The following DENND1A variants were observed in gnomAD, a reference collection of about 807,000 sequenced individuals.
The protein encoded by DENND1A is DENN domain containing 1A.
A neutral mutation model predicts 113.7 loss-of-function variants in DENND1A; 51 were observed. That is an observed-to-expected ratio of 0.45 (90% CI 0.36 to 0.57). The LOEUF (loss-of-function observed/expected upper bound fraction) is 0.57. Ranked by LOEUF, DENND1A falls within the 20% of genes least tolerant of loss-of-function variation. DENND1A has a pLI of 0.00. For synonymous variants in DENND1A, 565 were observed against 570.8 expected (o/e 0.99, Z 0.14); for missense variants, 1,258 against 1,395.9 (o/e 0.90, Z 1.57).
chr9:123,457,800 A>T lies in DENND1A; in HGVS notation c.1091T>A (p.Phe364Tyr). 1 of 1,609,310 alleles carries T rather than the reference A, an allele frequency of 6.2e-7. No homozygotes were observed. The highest frequency in any genetic ancestry group is 8.5e-7 in the Non-Finnish European group (1 of 1,177,858). Residue 364 changes from phenylalanine to tyrosine, a missense_variant, in exon 14 of 24, where the codon TTC (phenylalanine) becomes TAC (tyrosine). Physicochemically the swap from Phe to Tyr is conservative, Grantham distance 22 (BLOSUM62 3). This residue lies in a region of DENND1A where 1,159 missense variants were observed against 1,231.7 expected (regional missense o/e 0.94). Coordinates refer to ENST00000394215, the MANE Select transcript of DENND1A (RefSeq NM_001352964.2). ...FLQNATQLQLFKQFIDGRLDL... is the reference protein window; with the variant it reads ...FLQNATQLQLYKQFIDGRLDL... ...GACCAGGGAGGGAGGCACCTGCTTG[A>T]AGAGCTGCAGCTGTGTGGCGTTCTG...
Position 123,381,986 on chromosome 9 carries a change from A to G in DENND1A, c.2659T>C (p.Phe887Leu), listed in dbSNP as rs1199037267. 2.4e-6 allele frequency: 3 copies of G among 1,269,104 alleles called. No homozygotes were observed. The highest frequency in any genetic ancestry group is 3.2e-5 in the South Asian group (2 of 61,712). 78.6% of individuals were successfully genotyped at this position (1,269,104 alleles called of 1,614,324 possible). The change falls in exon 24 of 24, where the codon TTC (phenylalanine) becomes CTC (leucine). Residue 887 changes from phenylalanine to leucine, a missense_variant. Phe to Leu is a conservative substitution (Grantham distance 22). This residue lies in a region of DENND1A where 1,159 missense variants were observed against 1,231.7 expected (regional missense o/e 0.94). Transcript: ENST00000394215. This position sits in a 1 kb window ranked among gnomAD's most constrained non-coding sequence, Gnocchi z 4.7. ...AAGGGGTTGAGTGGTGGCTGTGGGAATGGGGTGGGTGTCCCTGCAGGGGGG... is the reference window on the plus strand; with the variant it reads ...AAGGGGTTGAGTGGTGGCTGTGGGAGTGGGGTGGGTGTCCCTGCAGGGGGG... ...SFPPAGTPTPFPQPPLNPFVP... is the reference protein window; with the variant it reads ...SFPPAGTPTPLPQPPLNPFVP...
intron 18 of DENND1A, among the ~76,000 whole-genome samples, chr9:123,441,403 TA>T (rs1167732352): frequency 1.3e-5 from 2 of 152,220 alleles, no homozygotes; most frequent in Non-Finnish European, 2.9e-5. Context: ...TGGCAGAAAA[TA>T]AAAAGATTGA....
At position 123,381,377 on chromosome 9, in the gene DENND1A, G is replaced by A. The variant is rs955211391; in HGVS notation, c.*55C>T. ...AGAGTGGCGGGGGAGCCTCGGAACC[G>A]CAGCAGTGGACGGACCCTCGGGCCT... On this transcript the variant is annotated 3_prime_UTR_variant, in exon 24 of 24. Coordinates refer to ENST00000394215, the MANE Select transcript of DENND1A (RefSeq NM_001352964.2). This position sits in a 1 kb window ranked among gnomAD's most constrained non-coding sequence, Gnocchi z 4.7. 6.6e-6 allele frequency: 10 copies of A among 1,512,430 alleles called. No individual in the cohort carries two copies. The highest frequency in any genetic ancestry group is 3.6e-5 in the Admixed American group (2 of 55,696). The allele number at this position is 1,512,430 out of a possible 1,614,324, so 93.7% of individuals were successfully genotyped here. A position where few individuals can be genotyped will look rare whatever the true frequency, so the allele number is the denominator to read the frequency against.
chr9:123,903,360 T>TAAAAAAAAAA (rs1852079085), intron 1 of DENND1A, among the ~76,000 whole-genome samples: 1 of 90,110 alleles, frequency 1.1e-5, no homozygotes, highest in African/African-American at 5.5e-5. Flanking sequence ...AAAAAAAAAC[T>TAAAAAAAAAA]GGAAAAAAAG....
At chr9:123,858,583 A>C (rs569050947) in intron 2 of DENND1A, among the ~76,000 whole-genome samples, 1 of 152,078 alleles carries the variant, frequency 6.6e-6, no homozygotes, top group Non-Finnish European at 1.5e-5. Flanking sequence ...GGTGACTGGC[A>C]GTGGGGGTAA....
chr9:123,787,905 A>G (rs931156602), intron 3 of DENND1A, among the ~76,000 whole-genome samples: 2 of 152,168 alleles, frequency 1.3e-5, no homozygotes, highest in Non-Finnish European at 1.5e-5. Context: ...ATAAACGCAT[A>G]AAGATTGTTG....
rs147683169 is a variant in DENND1A, at chr9:123,917,466, G to C, written c.17+12423C>G. 2.4e-3 allele frequency among the ~76,000 whole-genome samples: 368 copies of C among 152,224 alleles called. 2 individuals are homozygous for C. The highest frequency in any genetic ancestry group is 3.7e-3 in the Admixed American group (57 of 15,290). ...TGGTGTTGGTGTTGTTGGAAATCAAGACTTTGATATAGGTATGGAAAATTC... is the reference window on the plus strand; with the variant it reads ...TGGTGTTGGTGTTGTTGGAAATCAACACTTTGATATAGGTATGGAAAATTC... On this transcript the variant is annotated intron_variant, in intron 1 of 23. Coordinates refer to ENST00000394215, the MANE Select transcript of DENND1A (RefSeq NM_001352964.2).
chr9:123,742,200 G>C (rs1389751183), intron 5 of DENND1A, among the ~76,000 whole-genome samples: 1 of 151,732 alleles, frequency 6.6e-6, no homozygotes, highest in Non-Finnish European at 1.5e-5. Flanking sequence ...AAGAAGGCCT[G>C]CTGGTTAAGG....
intron 21 of DENND1A, among the ~76,000 whole-genome samples, chr9:123,391,949 G>A (rs1274331663): frequency 1.3e-5 from 2 of 152,070 alleles, no homozygotes; most frequent in East Asian, 3.9e-4. Context: ...AAGGCTGGCC[G>A]TCCGTCATGG....
intron 2 of DENND1A, among the ~76,000 whole-genome samples, chr9:123,854,233 T>C (rs574471366): frequency 6.6e-6 from 1 of 152,218 alleles, no homozygotes; most frequent in Admixed American, 6.5e-5. Flanking sequence ...GCAACATTCA[T>C]CCTAGCCCTC....
intron 9 of DENND1A, among the ~76,000 whole-genome samples, chr9:123,642,149 T>C (rs2062064401): frequency 6.6e-6 from 1 of 152,228 alleles, no homozygotes; most frequent in Non-Finnish European, 1.5e-5. Context: ...GGTTCTTCAT[T>C]CCAATTAGAG....
rs549627930 is a variant in DENND1A, at chr9:123,394,748, G to A, written c.1632-6890C>T. On this transcript the variant is annotated intron_variant, in intron 21 of 23. Transcript: ENST00000394215. The stretch of plus-strand genomic sequence containing the variant: ...ACAGGATGTGGGCTTCAGGCTCTGC[G>A]GTGGAGGGAAGATGGGGCTGGGAAT... Among the ~76,000 whole-genome samples the A allele has an allele frequency of 5.9e-5, 9 of 152,352 alleles. No homozygotes were observed. In the East Asian group the frequency reaches 7.7e-4, roughly 13 times the overall value.
intron 5 of DENND1A, among the ~76,000 whole-genome samples, chr9:123,746,747 T>A (rs1051000839): frequency 1.7e-4 from 26 of 152,214 alleles, no homozygotes; most frequent in Middle Eastern, 3.4e-3. Context: ...AGAATTGCAA[T>A]CTCTGGAGAA....
intron 15 of DENND1A, among the ~76,000 whole-genome samples, chr9:123,455,905 AC>A (rs1439229083): frequency 2.0e-5 from 3 of 152,166 alleles, no homozygotes; most frequent in Non-Finnish European, 4.4e-5. Context: ...CCCTAGTCTA[AC>A]CGCAGCGAAA....
intron 2 of DENND1A, among the ~76,000 whole-genome samples, chr9:123,806,445 C>T (rs551174414): frequency 6.3e-4 from 95 of 151,920 alleles, no homozygotes; most frequent in African/African-American, 2.1e-3. Flanking sequence ...TTAGTAGAGA[C>T]GGGGTTTCAC....
chr9:123,839,069 C>T (rs1387119664), intron 2 of DENND1A, among the ~76,000 whole-genome samples: 12 of 152,184 alleles, frequency 7.9e-5, no homozygotes, highest in African/African-American at 2.7e-4. Context: ...CCATCCAGGT[C>T]TGGGCTGAGC....
chr9:123,589,323 C>T (rs1357046927), intron 11 of DENND1A, among the ~76,000 whole-genome samples: 1 of 151,924 alleles, frequency 6.6e-6, no homozygotes, highest in African/African-American at 2.4e-5. Flanking sequence ...AATTTAGTTT[C>T]CACTTCTTAA....
chr9:123,429,318 G>A (rs2045964640), intron 19 of DENND1A, among the ~76,000 whole-genome samples: 1 of 152,232 alleles, frequency 6.6e-6, no homozygotes, highest in African/African-American at 2.4e-5. Context: ...CACTTTTGGA[G>A]GCCGGGGAGG....
At chr9:123,617,998 A>G (rs953676748) in intron 10 of DENND1A, among the ~76,000 whole-genome samples, 12 of 152,372 alleles carry the variant, frequency 7.9e-5, no homozygotes, top group African/African-American at 2.9e-4. Context: ...TCCAGGACTC[A>G]TCCCATGTGC....
Sources: allele counts gnomAD v4.1 joint callset (sites outside exome capture counted in the v4.1 genomes callset), GRCh38; gene constraint gnomAD v4.1.1; regional missense constraint gnomAD v4.1.1; non-coding constraint Gnocchi (gnomAD v3.1); transcripts MANE v1.5; gene names NCBI Gene and HGNC (gene_info 2026-07-23, HGNC 2026-07-21).